The following PAX5 variants were observed in gnomAD, a reference collection of about 807,000 sequenced individuals.
PAX5 encodes paired box protein Pax-5.
PAX5 carries 9 observed loss-of-function variants against 43.7 expected under a neutral mutation model. The ratio of observed to expected loss-of-function variants is 0.21; its 90% confidence interval spans 0.12 to 0.36. The LOEUF (loss-of-function observed/expected upper bound fraction) is 0.36, where lower values mean the gene tolerates loss of function less well. Ranked by LOEUF, PAX5 falls within the 10% of genes least tolerant of loss-of-function variation. The probability of loss-of-function intolerance (pLI) is 1.00; values close to 1 mark genes in which losing one functional copy is unlikely to be tolerated. For synonymous variants in PAX5, 228 were observed against 214.3 expected, an observed-to-expected ratio of 1.06 and a Z score of -0.56; for missense variants, 383 against 532.7, an observed-to-expected ratio of 0.72 and a Z score of 2.77.
chr9:36,893,863 G>A (rs374022061), intron 7 of PAX5, among the ~76,000 whole-genome samples: 3 of 152,266 alleles, frequency 2.0e-5, no homozygotes, highest in East Asian at 1.9e-4. Flanking sequence ...GGACGGTGAC[G>A]GTATGTCACT....
In PAX5 at chr9:37,002,721, C is replaced by G; in HGVS notation, c.531G>C (p.Ser177=). Residue 177 remains serine (S), a synonymous_variant, in exon 5 of 10, where the codon TCG becomes TCC. Coordinates refer to ENST00000358127, the MANE Select transcript of PAX5 (RefSeq NM_016734.3). The part of the protein sequence containing the change: ...VSSVSTDSAG[S]SYSISGILGI... Reference sequence around the variant, plus strand: ...CCAGGATGCCGCTGATGGAGTACGACGAGCCGGCCGAATCCGTGCTCACCG... The same window carrying G: ...CCAGGATGCCGCTGATGGAGTACGAGGAGCCGGCCGAATCCGTGCTCACCG... The G allele has an allele frequency of 6.2e-7, 1 of 1,610,118 alleles. No individual in the cohort carries two copies. Among genetic ancestry groups the G allele is most frequent in the South Asian group, 1.1e-5 (1 of 90,244 alleles).
intron 6 of PAX5, among the ~76,000 whole-genome samples, chr9:36,965,298 T>C (rs77198199): frequency 0.023 from 3,496 of 152,308 alleles, 59 homozygotes; most frequent in East Asian, 0.075. Flanking sequence ...GACCATCTTG[T>C]TCACTGATGT....
Position 36,973,068 on chromosome 9 carries a change from AGGAAC to A in PAX5, c.605-6349_605-6345del, listed in dbSNP as rs1368567138. 1.1e-3 allele frequency among the ~76,000 whole-genome samples: 123 copies of A among 110,316 alleles called. 1 individual carries two copies. The highest frequency in any genetic ancestry group is 3.8e-3 in the African/African-American group (103 of 27,394). The allele number at this position is 110,316 out of a possible 152,430, so 72.4% of individuals were successfully genotyped here. A position where few individuals can be genotyped will look rare whatever the true frequency, so the allele number is the denominator to read the frequency against. ...AAAGAAAGAAAGAAAAGGAAAGGAA[AGGAAC>A]GGAACGGAACGGAAAGGAAAGGAAA... On this transcript the variant is annotated intron_variant, in intron 5 of 9. Coordinates refer to ENST00000358127, the MANE Select transcript of PAX5 (RefSeq NM_016734.3).
chr9:37,003,154 TAAAAAAAAAAAAAA>T (rs67081521), intron 4 of PAX5, among the ~76,000 whole-genome samples: 4 of 75,848 alleles, frequency 5.3e-5, no homozygotes, highest in Non-Finnish European at 7.3e-5. Flanking sequence ...AGTCAGTGCT[TAAAAAAAAAAAAAA>T]AAAAAAAAAA....
chr9:36,890,432 G>A (rs565184213), intron 7 of PAX5, among the ~76,000 whole-genome samples: 1 of 152,268 alleles, frequency 6.6e-6, no homozygotes, highest in East Asian at 1.9e-4. Context: ...AGCTCTTTGC[G>A]AACTGGCAAC....
At chr9:36,891,359 C>A (rs1406739444) in intron 7 of PAX5, among the ~76,000 whole-genome samples, 1 of 152,182 alleles carries the variant, frequency 6.6e-6, no homozygotes, top group Non-Finnish European at 1.5e-5. Context: ...AGCTCAATAC[C>A]CAGGACGTGG....
At chr9:36,850,577 CCTT>C (rs1463190718) in intron 8 of PAX5, among the ~76,000 whole-genome samples, 1 of 152,216 alleles carries the variant, frequency 6.6e-6, no homozygotes, top group Non-Finnish European at 1.5e-5. Flanking sequence ...CCCTTCGCCT[CCTT>C]CTAACTGACC....
intron 6 of PAX5, among the ~76,000 whole-genome samples, chr9:36,923,825 C>G (rs535308945): frequency 6.6e-6 from 1 of 152,154 alleles, no homozygotes; most frequent in Non-Finnish European, 1.5e-5. Context: ...ATGGAGGGTC[C>G]GTAACCAAAA....
intron 6 of PAX5, chr9:36,930,740 G>A (rs1831056419): frequency 2.2e-5 from 17 of 762,024 alleles, no homozygotes; most frequent in Admixed American, 9.8e-5. Context: ...CTACCTCGAC[G>A]ATCATGAGAA....
chr9:37,020,170 T>A (rs948934429), intron 2 of PAX5, among the ~76,000 whole-genome samples: 34 of 151,232 alleles, frequency 2.2e-4, no homozygotes, highest in African/African-American at 8.3e-4. Flanking sequence ...AATAAAAACA[T>A]AGAGAAGGAA....
At chr9:36,970,347 G>A (rs1050559647) in intron 5 of PAX5, among the ~76,000 whole-genome samples, 4 of 152,086 alleles carry the variant, frequency 2.6e-5, no homozygotes, top group African/African-American at 9.7e-5. Context: ...GAGAGAAGGG[G>A]GTGAAAGGAA....
At chr9:36,868,000 C>T (rs1359182689) in intron 8 of PAX5, among the ~76,000 whole-genome samples, 1 of 151,892 alleles carries the variant, frequency 6.6e-6, no homozygotes, top group Non-Finnish European at 1.5e-5. Flanking sequence ...CCCGGGAGGA[C>T]AATGAGAGTG....
intron 2 of PAX5, among the ~76,000 whole-genome samples, chr9:37,016,671 T>C (rs3013737): frequency 0.88 from 133,333 of 152,242 alleles, 60,317 homozygotes; most frequent in Non-Finnish European, 1. Flanking sequence ...TATCTTGCAG[T>C]TGAATCTGTT....
intron 1 of PAX5, among the ~76,000 whole-genome samples, chr9:37,033,225 C>T (rs1841161392): frequency 6.6e-6 from 1 of 152,260 alleles, no homozygotes; most frequent in African/African-American, 2.4e-5. Context: ...TTCACACCTT[C>T]ATTCCTGGTC....
Position 37,003,576 on chromosome 9 carries a change from G to A in PAX5, c.476-800C>T, listed in dbSNP as rs139107078. Among the ~76,000 whole-genome samples the A allele has an allele frequency of 1.3e-4, 20 of 152,254 alleles. No homozygotes were observed. In the East Asian group the frequency reaches 3.9e-3, roughly 29 times the overall value. ...CAGAGTGCCTGGTGCCGGGGCTCAC[G>A]CCTGTAATCCCAGCACTTTGGAAGG... On this transcript the variant is annotated intron_variant, in intron 4 of 9. Transcript: ENST00000358127.
chr9:36,940,143 C>T (rs1831924670), intron 6 of PAX5, among the ~76,000 whole-genome samples: 2 of 152,218 alleles, frequency 1.3e-5, no homozygotes, highest in Admixed American at 1.3e-4. Flanking sequence ...CAGACCATCA[C>T]AGCCCACTTG....
chr9:36,939,738 G>A (rs909104530), intron 6 of PAX5, among the ~76,000 whole-genome samples: 1 of 152,082 alleles, frequency 6.6e-6, no homozygotes, highest in African/African-American at 2.4e-5. Flanking sequence ...TATCAACACT[G>A]ATCAAAATGG....
chr9:36,950,712 T>C (rs1832921750), intron 6 of PAX5, among the ~76,000 whole-genome samples: 1 of 151,268 alleles, frequency 6.6e-6, no homozygotes, highest in African/African-American at 2.4e-5. Flanking sequence ...TCAGATCACA[T>C]TCTTGCATAT....
intron 6 of PAX5, among the ~76,000 whole-genome samples, chr9:36,956,804 C>T (rs1033623059): frequency 2.6e-5 from 4 of 152,124 alleles, no homozygotes; most frequent in Admixed American, 6.5e-5. Context: ...GAGATGATGA[C>T]AATAGAATAA....
Sources: allele counts gnomAD v4.1 joint callset (sites outside exome capture counted in the v4.1 genomes callset), GRCh38; gene constraint gnomAD v4.1.1; transcripts MANE v1.5; gene names NCBI Gene and HGNC (gene_info 2026-07-23, HGNC 2026-07-21).